The following KIF18A variants were observed in gnomAD, a reference collection of about 807,000 sequenced individuals.
KIF18A encodes the protein kinesin-like protein KIF18A.
A neutral mutation model predicts 103.3 loss-of-function variants in KIF18A; 67 were observed. That is an observed-to-expected ratio of 0.65 (90% confidence interval 0.53 to 0.79). The LOEUF (loss-of-function observed/expected upper bound fraction) is 0.79. Ranked by LOEUF, KIF18A falls within the 30% of genes least tolerant of loss-of-function variation. The pLI is 0.00. For missense variants in KIF18A, 1,032 were observed against 1,062.5 expected, an observed-to-expected ratio of 0.97 and a Z score of 0.40; for synonymous variants, 367 against 355.5, an observed-to-expected ratio of 1.03 and a Z score of -0.36.
chr11:28,042,052 C>T (rs1850567384), intron 13 of KIF18A, among the ~76,000 whole-genome samples: 1 of 151,550 alleles, frequency 6.6e-6, no homozygotes, highest in Non-Finnish European at 1.5e-5. Context: ...CTGCATTTTT[C>T]CCTTTCTAGT....
chr11:28,093,118 A>G (rs1434621770), intron 3 of KIF18A, among the ~76,000 whole-genome samples: 1 of 152,234 alleles, frequency 6.6e-6, no homozygotes, highest in Non-Finnish European at 1.5e-5. Flanking sequence ...CTGCCTTATC[A>G]TTAATAATAT....
At chr11:28,058,039 T>A (rs1386195094) in intron 13 of KIF18A, among the ~76,000 whole-genome samples, 1 of 152,182 alleles carries the variant, frequency 6.6e-6, no homozygotes, top group African/African-American at 2.4e-5. Context: ...CAGCATTTAA[T>A]CTCTGAGATA....
intron 10 of KIF18A, among the ~76,000 whole-genome samples, chr11:28,074,486 T>C (rs970259995): frequency 2.3e-4 from 35 of 152,134 alleles, no homozygotes; most frequent in Admixed American, 6.5e-4. Flanking sequence ...AAACACAAAA[T>C]TGAAAAGAAA....
rs574770131 is a variant in KIF18A, at chr11:28,097,893, G to A, written c.55C>T (p.Arg19Cys). The A allele has an allele frequency of 1.0e-5, 16 of 1,607,080 alleles. No homozygotes were observed. The African/African-American group carries it at 1.3e-4, about 13-fold the overall frequency. Residue 19 changes from arginine (R) to cysteine (C), a missense_variant, in exon 2 of 17, where the codon CGT (arginine) becomes TGT (cysteine). By Grantham distance (180) the Arg-to-Cys change is radical. Transcript: ENST00000263181. The part of the protein sequence containing the change: ...CHHMKVVVRV[R>C]PENTKEKAAG... ...GCTTTTTCTTTAGTGTTTTCCGGAC[G>A]TACACGAACTACTACTTTCATATGG...
chr11:28,106,957 C>A (rs1430731015), intron 1 of KIF18A, among the ~76,000 whole-genome samples: 1 of 152,040 alleles, frequency 6.6e-6, no homozygotes, highest in East Asian at 1.9e-4. Context: ...GACCACAGAG[C>A]GAGACTCTGT....
Position 28,091,495 on chromosome 11 carries a change from G to T in KIF18A, c.502C>A (p.Arg168Ser). The change falls in exon 4 of 17, where the codon CGT (arginine) becomes AGT (serine). Residue 168 changes from arginine to serine, a missense_variant. Physicochemically the swap from Arg to Ser is moderately radical, Grantham distance 110. Transcript: ENST00000263181. ...SYLEVYNEQI[R>S]DLLVNSGPLA... ...GGCCCTGAATTTACTAAGAGATCACGAATCTGTTCATTATATACCTTAAAA... is the reference window on the plus strand; with the variant it reads ...GGCCCTGAATTTACTAAGAGATCACTAATCTGTTCATTATATACCTTAAAA... 1 of 1,599,356 alleles carries T rather than the reference G, an allele frequency of 6.3e-7. No individual in the cohort carries two copies. The highest frequency in any genetic ancestry group is 8.6e-7 in the Non-Finnish European group (1 of 1,167,990).
intron 10 of KIF18A, among the ~76,000 whole-genome samples, chr11:28,071,462 AATT>A (rs1450997068): frequency 2.0e-5 from 3 of 149,394 alleles, no homozygotes; most frequent in Non-Finnish European, 4.5e-5. Context: ...TTTAACATTT[AATT>A]ATTTATAATT....
intron 10 of KIF18A, among the ~76,000 whole-genome samples, chr11:28,071,379 T>C (rs1197694069): frequency 6.6e-6 from 1 of 151,594 alleles, no homozygotes; most frequent in African/African-American, 2.4e-5. Flanking sequence ...ACAACGCCAC[T>C]CTTCTATTTT....
At chr11:28,036,895 T>G (rs1241123248) in intron 13 of KIF18A, among the ~76,000 whole-genome samples, 1 of 151,528 alleles carries the variant, frequency 6.6e-6, no homozygotes, top group African/African-American at 2.4e-5. Flanking sequence ...ATTGCTAATA[T>G]CAATATTAAT....
chr11:28,103,515 A>G (rs1025823061), intron 1 of KIF18A, among the ~76,000 whole-genome samples: 2 of 152,016 alleles, frequency 1.3e-5, no homozygotes, highest in Non-Finnish European at 2.9e-5. Flanking sequence ...ATGATACGGA[A>G]AGTCTTTTTC....
chr11:28,097,586 C>T lies in KIF18A; in HGVS notation c.325+37G>A, dbSNP rs201581404. ...GTCCGTCCTAATGCAAAAGTGAAAT[C>T]GGATAGAGAAATTAAATCCCAAATT... On this transcript the variant is annotated intron_variant, in intron 2 of 16. Coordinates refer to ENST00000263181, the MANE Select transcript of KIF18A (RefSeq NM_031217.4). 483 of 1,327,652 alleles carry T rather than the reference C, an allele frequency of 3.6e-4. 2 individuals are homozygous for T. The highest frequency in any genetic ancestry group is 4.7e-4 in the Non-Finnish European group (436 of 920,558). The allele number at this position is 1,327,652 out of a possible 1,614,324, so 82.2% of individuals were successfully genotyped here. A position where few individuals can be genotyped will look rare whatever the true frequency, so the allele number is the denominator to read the frequency against.
chr11:28,021,399 A>C (rs994894722), intron 16 of KIF18A, 117 bp from the exon 17 acceptor site: 1 of 848,556 alleles, frequency 1.2e-6, no homozygotes, highest in Non-Finnish European at 1.6e-6. Context: ...TGAAATTCAT[A>C]GTTGTTAGTT....
chr11:28,047,705 T>C (rs1850655509), intron 13 of KIF18A, among the ~76,000 whole-genome samples: 3 of 152,056 alleles, frequency 2.0e-5, no homozygotes, highest in Admixed American at 2.0e-4. Flanking sequence ...AGTAATAACA[T>C]ATATAATAAA....
chr11:28,098,898 A>G (rs1485756019), intron 1 of KIF18A, among the ~76,000 whole-genome samples: 2 of 152,056 alleles, frequency 1.3e-5, no homozygotes, highest in East Asian at 3.9e-4. Context: ...ACCAAACCAC[A>G]AAACAAAATA....
intron 15 of KIF18A, among the ~76,000 whole-genome samples, chr11:28,033,001 TCAAA>T (rs535606954): frequency 4.6e-4 from 69 of 151,522 alleles, no homozygotes; most frequent in African/African-American, 1.6e-3. Flanking sequence ...CATAAGGAGC[TCAAA>T]CAACTCTAGG....
intron 11 of KIF18A, among the ~76,000 whole-genome samples, chr11:28,066,779 AGAAATTATATTATATTATAT>A (rs1850933514): frequency 7.1e-6 from 1 of 141,110 alleles, no homozygotes; most frequent in Non-Finnish European, 1.6e-5. Flanking sequence ...GTTCTGGAAG[AGAAATTATATTATATTATAT>A]TATATTATAT....
At chr11:28,024,878 A>ATT (rs1850295542) in intron 15 of KIF18A, among the ~76,000 whole-genome samples, 1 of 151,888 alleles carries the variant, frequency 6.6e-6, no homozygotes, top group Non-Finnish European at 1.5e-5. Context: ...GACGGGGGGG[A>ATT]TATCTTCTAA....
At position 28,097,961 on chromosome 11, in the gene KIF18A, G is replaced by C; in HGVS notation, c.-14C>G. 1 of 1,520,234 alleles carries C rather than the reference G, an allele frequency of 6.6e-7. No homozygotes were observed. 94.2% of individuals were successfully genotyped at this position (1,520,234 alleles called of 1,614,324 possible). On this transcript the variant is annotated 5_prime_UTR_variant, in exon 2 of 17. It adds an upstream start codon to the 5' untranslated region. Coordinates refer to ENST00000263181, the MANE Select transcript of KIF18A (RefSeq NM_031217.4). ...AGTGACAGACATTGTTGATTATCTT[G>C]ATTCCTATCTGTATAAATACTTGAA...
chr11:28,084,452 T>C (rs1346830877), intron 7 of KIF18A, 180 bp downstream of exon 7: 1 of 259,790 alleles, frequency 3.8e-6, no homozygotes, highest in African/African-American at 2.3e-5. Flanking sequence ...ATAATCAAGA[T>C]GCTTTATGGT....
Sources: gnomAD v4.1 joint callset for allele counts (sites outside exome capture counted in the v4.1 genomes callset) on GRCh38, gnomAD v4.1.1 for gene constraint, MANE v1.5 for transcripts, NCBI Gene and HGNC (gene_info 2026-07-23, HGNC 2026-07-21) for gene names.